Variants in ETS1 observed in about 807,000 individuals in gnomAD.
ETS1 encodes ETS proto-oncogene 1, transcription factor.
In ETS1, 15 loss-of-function variants were observed where a neutral mutation model predicts 58.6. The ratio of observed to expected loss-of-function variants is 0.26; its 90% CI spans 0.17 to 0.39. ETS1 has a LOEUF of 0.39. Ranked by LOEUF, ETS1 falls within the 10% of genes least tolerant of loss-of-function variation. The pLI is 1.00. For missense variants in ETS1, 417 were observed against 610.5 expected (o/e 0.68, Z 3.34); for synonymous variants, 214 against 218.2 (o/e 0.98, Z 0.17).
At chr11:128,480,584 G>A (rs766784748) in intron 7 of ETS1, 133 bp from the exon 8 acceptor site, 17 of 653,962 alleles carry the variant, frequency 2.6e-5, no homozygotes, top group Admixed American at 2.2e-4. Flanking sequence ...AGGGAGAGGC[G>A]AGTGGGAACA....
At chr11:128,540,389 T>C (rs1197140134) in intron 3 of ETS1, among the ~76,000 whole-genome samples, 1 of 148,374 alleles carries the variant, frequency 6.7e-6, no homozygotes, top group African/African-American at 2.5e-5. Flanking sequence ...AGCTGCACAA[T>C]ACTGTAAATA....
In ETS1 at chr11:128,549,703, C is replaced by T. The variant is rs1864199681; in HGVS notation, c.214+6588G>A. ...TCTTGGTTTCCTTCCTTCCCGGGGA[C>T]CTAAAGGGGTGATTTACATTTGTAA... is the stretch of plus-strand genomic sequence containing the variant. On this transcript the variant is annotated intron_variant, in intron 3 of 9. Coordinates refer to ENST00000392668, the MANE Select transcript of ETS1 (RefSeq NM_001143820.2). The surrounding 1 kb of genome is among the most constrained non-coding windows in gnomAD (Gnocchi z 4.3). 6.6e-6 allele frequency among the ~76,000 whole-genome samples: 1 copy of T among 152,070 alleles called. No homozygotes were observed. Among genetic ancestry groups the T allele is most frequent in the Admixed American group, 6.5e-5 (1 of 15,274 alleles).
At chr11:128,527,789 C>T (rs1015122980) in intron 3 of ETS1, among the ~76,000 whole-genome samples, 7 of 152,246 alleles carry the variant, frequency 4.6e-5, no homozygotes, top group Non-Finnish European at 1.0e-4. Flanking sequence ...TCTGATCTTA[C>T]TCTGCTTTTC....
intron 1 of ETS1, among the ~76,000 whole-genome samples, chr11:128,577,852 A>T (rs1454735293): frequency 6.6e-6 from 1 of 151,998 alleles, no homozygotes; most frequent in Non-Finnish European, 1.5e-5. Context: ...CTAAGAAAAA[A>T]ATTGGTGCAG....
At chr11:128,489,770 A>G (rs560909998) in intron 4 of ETS1, among the ~76,000 whole-genome samples, 31 of 152,310 alleles carry the variant, frequency 2.0e-4, no homozygotes, top group African/African-American at 6.7e-4. Context: ...AAAGATTTCC[A>G]TGAATCTCCT....
At chr11:128,543,427 A>G (rs1351028747) in intron 3 of ETS1, among the ~76,000 whole-genome samples, 1 of 152,146 alleles carries the variant, frequency 6.6e-6, no homozygotes, top group Non-Finnish European at 1.5e-5. Context: ...CTACCTGCCC[A>G]TTCTGACATA....
At chr11:128,581,123 C>A (rs1864862317) in intron 1 of ETS1, among the ~76,000 whole-genome samples, 1 of 152,116 alleles carries the variant, frequency 6.6e-6, no homozygotes, top group South Asian at 2.1e-4. Context: ...TATGCATTTC[C>A]TTCTCAGTGG....
At chr11:128,568,087 C>A (rs980907709) in intron 2 of ETS1, among the ~76,000 whole-genome samples, 6 of 152,184 alleles carry the variant, frequency 3.9e-5, no homozygotes, top group African/African-American at 1.4e-4. Flanking sequence ...GCACAGTGGG[C>A]CACTCCTGCC....
At chr11:128,485,839 C>A (rs559451880) in intron 6 of ETS1, among the ~76,000 whole-genome samples, 1 of 151,994 alleles carries the variant, frequency 6.6e-6, no homozygotes, top group East Asian at 1.9e-4. Flanking sequence ...GTGAAGACAT[C>A]AGAGAAGGAT....
chr11:128,576,397 C>T (rs1240924292), intron 1 of ETS1, among the ~76,000 whole-genome samples: 2 of 152,090 alleles, frequency 1.3e-5, no homozygotes, highest in African/African-American at 2.4e-5. Flanking sequence ...AGAGAATTCC[C>T]TCCCACAAGA....
rs138956441 is a variant in ETS1, at chr11:128,486,110, G to A, written c.572C>T (p.Pro191Leu). 2.5e-5 allele frequency: 41 copies of A among 1,611,698 alleles called. No individual in the cohort carries two copies. In the African/African-American group the frequency reaches 4.4e-4, roughly 17 times the overall value. Residue 191 changes from proline (P) to leucine (L), a missense_variant, in exon 6 of 10, where the codon CCA becomes CTA. Around this residue, in one of 4 missense-constraint regions of ETS1, gnomAD observed 132 missense variants for 212.1 expected, o/e 0.62. Coordinates refer to ENST00000392668, the MANE Select transcript of ETS1 (RefSeq NM_001143820.2). ...VKPYQVNGVN[P>L]AYPESRYTSD... ...GGTATAGCGGGATTCTGGATAGGCTGGGTTGACTCCATTAACTTGATATGG... is the reference window on the plus strand; with the variant it reads ...GGTATAGCGGGATTCTGGATAGGCTAGGTTGACTCCATTAACTTGATATGG...
chr11:128,582,502 T>C (rs1448005668), intron 1 of ETS1, among the ~76,000 whole-genome samples: 1 of 152,150 alleles, frequency 6.6e-6, no homozygotes, highest in Non-Finnish European at 1.5e-5. Context: ...AACACTACTG[T>C]TTTATATTAA....
chr11:128,499,295 G>C (rs1863024646), intron 3 of ETS1, among the ~76,000 whole-genome samples: 1 of 152,038 alleles, frequency 6.6e-6, no homozygotes, highest in Admixed American at 6.5e-5. Flanking sequence ...GATGAATTGG[G>C]CTAACCAATT....
chr11:128,552,259 A>T (rs1444564820), intron 3 of ETS1, among the ~76,000 whole-genome samples: 2 of 152,164 alleles, frequency 1.3e-5, no homozygotes, highest in Non-Finnish European at 2.9e-5. Flanking sequence ...TTCCTACTAC[A>T]CTAAATAGAT....
chr11:128,479,717 CCA>C, intron 8 of ETS1, among the ~76,000 whole-genome samples: 1 of 152,104 alleles, frequency 6.6e-6, no homozygotes, highest in East Asian at 1.9e-4. Flanking sequence ...GATACTGTTC[CCA>C]CATTTGAACA....
chr11:128,586,134 C>T (rs1175764665), intron 1 of ETS1, among the ~76,000 whole-genome samples: 6 of 152,326 alleles, frequency 3.9e-5, no homozygotes, highest in African/African-American at 7.2e-5. Flanking sequence ...GGAACCAGGA[C>T]GGAAGAGGCT....
At chr11:128,521,729 C>T (rs1863675284) in intron 3 of ETS1, among the ~76,000 whole-genome samples, 1 of 152,200 alleles carries the variant, frequency 6.6e-6, no homozygotes, top group African/African-American at 2.4e-5. Context: ...GGGCCACCAA[C>T]AGTCCTCCTC....
chr11:128,467,998 T>C (rs1411819489), intron 8 of ETS1, among the ~76,000 whole-genome samples: 4 of 152,186 alleles, frequency 2.6e-5, no homozygotes, highest in Non-Finnish European at 2.9e-5. Flanking sequence ...TTCCTTCTAC[T>C]GCTTTGTTCT....
intron 8 of ETS1, among the ~76,000 whole-genome samples, chr11:128,466,502 C>T (rs759105205): frequency 7.2e-5 from 11 of 152,168 alleles, no homozygotes; most frequent in Non-Finnish European, 1.2e-4. Context: ...TCCCAGAGGA[C>T]GAACCCTCTG....
Sources: gnomAD v4.1 joint callset for allele counts (sites outside exome capture counted in the v4.1 genomes callset) on GRCh38, gnomAD v4.1.1 for gene constraint, gnomAD v4.1.1 regional missense constraint, Gnocchi (gnomAD v3.1) non-coding constraint, MANE v1.5 for transcripts, NCBI Gene and HGNC (gene_info 2026-07-23, HGNC 2026-07-21) for gene names.